The following PTPRQ variants were observed in gnomAD, a reference collection of about 807,000 sequenced individuals.
PTPRQ encodes the protein phosphatidylinositol phosphatase PTPRQ.
PTPRQ carries 199 observed loss-of-function variants against 246.0 expected under a neutral mutation model. The ratio of observed to expected loss-of-function variants is 0.81; its 90% CI spans 0.72 to 0.91. The LOEUF is 0.91. PTPRQ is among the 40% of genes least tolerant of loss of function. The probability of loss-of-function intolerance (pLI) is 0.00; values close to 1 mark genes in which losing one functional copy is unlikely to be tolerated. For missense variants in PTPRQ, 2,624 were observed against 2,528.4 expected (o/e 1.04, Z -0.81); for synonymous variants, 869 against 853.2 (o/e 1.02, Z -0.32).
intron 39 of PTPRQ, among the ~76,000 whole-genome samples, chr12:80,660,598 C>T (rs575836323): frequency 2.9e-4 from 44 of 152,072 alleles, no homozygotes; most frequent in East Asian, 1.5e-3. Context: ...GAGGAAGGCT[C>T]GTCAAAATTA....
At chr12:80,503,765 C>T (rs1462469457) in intron 14 of PTPRQ, among the ~76,000 whole-genome samples, 1 of 151,638 alleles carries the variant, frequency 6.6e-6, no homozygotes, top group Non-Finnish European at 1.5e-5. Context: ...AGTTTTCTAC[C>T]TAAAGTACAT....
At chr12:80,645,141 A>G (rs1331054848) in intron 35 of PTPRQ, among the ~76,000 whole-genome samples, 2 of 152,210 alleles carry the variant, frequency 1.3e-5, no homozygotes, top group East Asian at 1.9e-4. Context: ...AATAAAGCCA[A>G]ATCAGATTCC....
intron 9 of PTPRQ, among the ~76,000 whole-genome samples, chr12:80,487,588 A>G (rs1248327933): frequency 6.6e-6 from 1 of 152,104 alleles, no homozygotes; most frequent in Non-Finnish European, 1.5e-5. Context: ...TAATGGAACA[A>G]TTATCCTCTC....
At chr12:80,477,959 G>A (rs1020416323) in intron 8 of PTPRQ, among the ~76,000 whole-genome samples, 26 of 152,318 alleles carry the variant, frequency 1.7e-4, no homozygotes, top group East Asian at 1.2e-3. Context: ...GGTGAGGGGC[G>A]CCCGCCATTG....
intron 34 of PTPRQ, among the ~76,000 whole-genome samples, chr12:80,633,593 T>A (rs941789412): frequency 1.3e-5 from 2 of 152,216 alleles, no homozygotes; most frequent in African/African-American, 4.8e-5. Context: ...AGAATGTAGT[T>A]CTGTATTCTA....
At chr12:80,620,881 T>C (rs144260743) in intron 32 of PTPRQ, among the ~76,000 whole-genome samples, 2,396 of 151,958 alleles carry the variant, frequency 0.016, 67 homozygotes, top group African/African-American at 0.054. Flanking sequence ...TATTTAGCTT[T>C]TTGTAGCCCC....
intron 39 of PTPRQ, among the ~76,000 whole-genome samples, chr12:80,663,619 C>T (rs926993996): frequency 2.0e-5 from 3 of 151,980 alleles, no homozygotes; most frequent in Middle Eastern, 3.2e-3. Context: ...CACTGCTTCT[C>T]TCTCATCACT....
chr12:80,629,235 T>C lies in PTPRQ; in HGVS notation c.5687-2957T>C, dbSNP rs74576968. On this transcript the variant is annotated intron_variant, in intron 33 of 44. Transcript: ENST00000644991. The stretch of plus-strand genomic sequence containing the variant: ...AGCTCTCTGTGTCTCTTCTTATAAG[T>C]CACTAATCCCATCAGATCGGGGCCT... 6.0e-3 allele frequency among the ~76,000 whole-genome samples: 911 copies of C among 152,042 alleles called. 14 individuals are homozygous for C. Among genetic ancestry groups the C allele is most frequent in the African/African-American group, 0.02 (844 of 41,474 alleles).
intron 4 of PTPRQ, among the ~76,000 whole-genome samples, chr12:80,459,066 G>A (rs1276044401): frequency 6.6e-6 from 1 of 151,968 alleles, no homozygotes; most frequent in African/African-American, 2.4e-5. Context: ...TTTCATCAAT[G>A]CATGTATTAG....
chr12:80,546,561 A>G lies in PTPRQ; in HGVS notation c.3879A>G (p.Ile1293Met), dbSNP rs1565778185. 1 of 1,546,612 alleles carries G rather than the reference A, an allele frequency of 6.5e-7. No individual in the cohort carries two copies. Among genetic ancestry groups the G allele is most frequent in the Non-Finnish European group, 8.7e-7 (1 of 1,145,744 alleles). The change falls in exon 24 of 45, where the codon ATA becomes ATG. Residue 1293 changes from isoleucine (I) to methionine (M), a missense_variant. Physicochemically the swap from Ile to Met is conservative, Grantham distance 10. Coordinates refer to ENST00000644991, the MANE Select transcript of PTPRQ (RefSeq NM_001145026.2). Reference sequence around the variant, plus strand: ...ACTTTTTTTCTGTTTTTCAGAATATATCAGGATTTAAAACTGAAGCCAAAC... The same window carrying G: ...ACTTTTTTTCTGTTTTTCAGAATATGTCAGGATTTAAAACTGAAGCCAAAC... The part of the protein sequence containing the change: ...HETDTIYYKN[I>M]SGFKTEAKLV...
chr12:80,617,609 T>A (rs1309360929), intron 30 of PTPRQ, among the ~76,000 whole-genome samples: 1 of 151,420 alleles, frequency 6.6e-6, no homozygotes, highest in Admixed American at 6.6e-5. Context: ...CAGATGCTAT[T>A]CCCATCCCCA....
At chr12:80,469,651 A>G (rs1259167482) in intron 7 of PTPRQ, among the ~76,000 whole-genome samples, 1 of 152,220 alleles carries the variant, frequency 6.6e-6, no homozygotes, top group Non-Finnish European at 1.5e-5. Context: ...ACTCATCACC[A>G]TCATGAGTAA....
chr12:80,488,369 G>T (rs1271225264), intron 9 of PTPRQ, among the ~76,000 whole-genome samples: 1 of 151,962 alleles, frequency 6.6e-6, no homozygotes, highest in East Asian at 1.9e-4. Context: ...ACACTTATTA[G>T]AATAATCCTT....
chr12:80,620,543 T>C (rs533170658), intron 32 of PTPRQ, among the ~76,000 whole-genome samples, 167 bp downstream of exon 32: 34 of 151,900 alleles, frequency 2.2e-4, no homozygotes, highest in African/African-American at 8.0e-4. Flanking sequence ...TGAAAATTAT[T>C]CTTACATTCC....
intron 9 of PTPRQ, among the ~76,000 whole-genome samples, chr12:80,487,689 A>G (rs1327576692): frequency 6.6e-6 from 1 of 152,116 alleles, no homozygotes; most frequent in African/African-American, 2.4e-5. Flanking sequence ...AGTTATTTCT[A>G]CATCCAGAAT....
At chr12:80,465,171 A>G (rs1893349214) in intron 6 of PTPRQ, 1 of 150,568 alleles carries the variant, frequency 6.6e-6, no homozygotes, top group Non-Finnish European at 1.5e-5. Flanking sequence ...GATAAAGGGG[A>G]TATTACCACT....
At chr12:80,586,982 T>G (rs1366116565) in intron 25 of PTPRQ, among the ~76,000 whole-genome samples, 1 of 152,196 alleles carries the variant, frequency 6.6e-6, no homozygotes, top group Non-Finnish European at 1.5e-5. Context: ...CTTCTGATTT[T>G]GTTCTCCGTG....
intron 33 of PTPRQ, among the ~76,000 whole-genome samples, chr12:80,629,344 TG>T (rs1032649417): frequency 6.6e-6 from 1 of 152,088 alleles, no homozygotes; most frequent in African/African-American, 2.4e-5. Flanking sequence ...CATATTAATT[TG>T]GGGGAAACAC....
At chr12:80,532,520 T>G (rs1258055625) in intron 17 of PTPRQ, among the ~76,000 whole-genome samples, 4 of 152,138 alleles carry the variant, frequency 2.6e-5, no homozygotes, top group Non-Finnish European at 4.4e-5. Flanking sequence ...CACACTCGTC[T>G]TAATTGCATA....
Sources: gnomAD v4.1 joint callset for allele counts (sites outside exome capture counted in the v4.1 genomes callset) on GRCh38, gnomAD v4.1.1 for gene constraint, MANE v1.5 for transcripts, NCBI Gene and HGNC (gene_info 2026-07-23, HGNC 2026-07-21) for gene names.